Variants in BMPR1B observed in about 807,000 individuals in gnomAD.
The protein encoded by BMPR1B is bone morphogenetic protein receptor type 1B.
BMPR1B carries 12 observed loss-of-function variants against 59.1 expected under a neutral mutation model. The observed-to-expected ratio is 0.20, with a 90% CI of 0.13 to 0.33. BMPR1B has a LOEUF of 0.33. BMPR1B is among the 10% of genes least tolerant of loss of function. The pLI, the probability that BMPR1B is intolerant of heterozygous loss-of-function variation, is 1.00. For missense variants in BMPR1B, 550 were observed against 610.9 expected (o/e 0.90, Z 1.05); for synonymous variants, 237 against 207.3 (o/e 1.14, Z -1.23).
At chr4:94,962,734 G>C (rs1462999685) in intron 2 of BMPR1B, among the ~76,000 whole-genome samples, 1 of 152,142 alleles carries the variant, frequency 6.6e-6, no homozygotes, top group Non-Finnish European at 1.5e-5. Context: ...ATTGTTGATG[G>C]ACACTTAGGT....
At chr4:95,038,034 G>A (rs1310932539) in intron 3 of BMPR1B, among the ~76,000 whole-genome samples, 22 of 152,126 alleles carry the variant, frequency 1.4e-4, no homozygotes, top group Admixed American at 1.4e-3. Flanking sequence ...GTGTAAGGAG[G>A]ATTGAGAGTT....
chr4:95,011,118 A>T (rs1723195608), intron 3 of BMPR1B, among the ~76,000 whole-genome samples: 1 of 151,150 alleles, frequency 6.6e-6, no homozygotes, highest in African/African-American at 2.4e-5. Flanking sequence ...TCGGGAGTAC[A>T]TGTGAAGGCT....
Position 95,129,957 on chromosome 4 carries a change from G to C in BMPR1B, c.681G>C (p.Lys227Asn). ...EVWMGKWRGEKVAVKVFFTTE... is the reference protein window; with the variant it reads ...EVWMGKWRGENVAVKVFFTTE... ...GGATGGGAAAGTGGCGTGGCGAAAA[G>C]GTAGCTGTGAAAGTGTTCTTCACCA... Residue 227 changes from lysine (K) to asparagine (N), a missense_variant, in exon 9 of 13, where the codon AAG becomes AAC. This residue lies in a region of BMPR1B where 318 missense variants were observed against 284.6 expected (regional missense o/e 1.12). Coordinates refer to ENST00000515059, the MANE Select transcript of BMPR1B (RefSeq NM_001203.3). 4 of 1,614,016 alleles carry C rather than the reference G, an allele frequency of 2.5e-6. No homozygotes were observed. Among genetic ancestry groups the C allele is most frequent in the Non-Finnish European group, 3.4e-6 (4 of 1,179,938 alleles).
intron 2 of BMPR1B, among the ~76,000 whole-genome samples, chr4:94,920,333 T>C (rs1297475900): frequency 6.6e-6 from 1 of 152,226 alleles, no homozygotes; most frequent in Non-Finnish European, 1.5e-5. Context: ...ATTCTTTTTA[T>C]TGAAATGCTT....
chr4:95,120,495 C>G (rs1271793101), intron 6 of BMPR1B, among the ~76,000 whole-genome samples: 2 of 152,012 alleles, frequency 1.3e-5, no homozygotes, highest in Non-Finnish European at 2.9e-5. Flanking sequence ...ATGGTATGAT[C>G]GTATACTTAG....
At chr4:94,990,182 C>T (rs1252369971) in intron 2 of BMPR1B, among the ~76,000 whole-genome samples, 2 of 152,052 alleles carry the variant, frequency 1.3e-5, no homozygotes, top group African/African-American at 4.8e-5. Context: ...ATGGTGAAAC[C>T]TCATCTCTAC....
chr4:94,933,123 C>G (rs899465769), intron 2 of BMPR1B, among the ~76,000 whole-genome samples: 1 of 151,712 alleles, frequency 6.6e-6, no homozygotes, highest in Non-Finnish European at 1.5e-5. Flanking sequence ...ATATAATATT[C>G]GTATGTATTA....
chr4:95,068,115 CAG>C (rs930860894), intron 3 of BMPR1B, among the ~76,000 whole-genome samples: 30 of 152,248 alleles, frequency 2.0e-4, no homozygotes, highest in African/African-American at 5.1e-4. Flanking sequence ...AGATTTTAAA[CAG>C]GGGAATGATG....
chr4:95,034,856 G>A (rs1725122052), intron 3 of BMPR1B, among the ~76,000 whole-genome samples: 1 of 151,966 alleles, frequency 6.6e-6, no homozygotes, highest in Admixed American at 6.6e-5. Flanking sequence ...AATTTCCATA[G>A]TGTCTTCTAT....
intron 1 of BMPR1B, among the ~76,000 whole-genome samples, chr4:94,861,716 C>A (rs1232266133): frequency 1.3e-5 from 2 of 152,072 alleles, no homozygotes; most frequent in African/African-American, 4.8e-5. Context: ...AAAGAGATTA[C>A]CCAATAAACA....
chr4:94,929,627 C>T (rs1282759114), intron 2 of BMPR1B, among the ~76,000 whole-genome samples: 1 of 152,048 alleles, frequency 6.6e-6, no homozygotes, highest in African/African-American at 2.4e-5. Flanking sequence ...CTTCTTGGTG[C>T]TCTCAGATCA....
At chr4:94,861,650 T>A (rs1362927688) in intron 1 of BMPR1B, among the ~76,000 whole-genome samples, 1 of 152,166 alleles carries the variant, frequency 6.6e-6, no homozygotes, top group Non-Finnish European at 1.5e-5. Context: ...GATTGCAAAC[T>A]TCTTGAGGTT....
At chr4:94,946,417 A>C (rs1357565543) in intron 2 of BMPR1B, among the ~76,000 whole-genome samples, 1 of 152,164 alleles carries the variant, frequency 6.6e-6, no homozygotes, top group Non-Finnish European at 1.5e-5. Flanking sequence ...TTTATATATC[A>C]CTTAACTAGA....
In BMPR1B at chr4:95,123,928, G is replaced by A. The variant is rs140561276; in HGVS notation, c.446+22G>A. ...TCCGGTAAGTTTCTAACATGTAGAT[G>A]CAAAATTTTTAATTTATAGTGTCTT... On this transcript the variant is annotated intron_variant, in intron 7 of 12. Transcript: ENST00000515059. 1,209 of 1,541,314 alleles carry A rather than the reference G, an allele frequency of 7.8e-4. 8 individuals carry two copies. In the African/African-American group the frequency reaches 0.014, roughly 18 times the overall value.
chr4:94,758,809 C>T (rs1187140833), intron 1 of BMPR1B, among the ~76,000 whole-genome samples: 1 of 152,120 alleles, frequency 6.6e-6, no homozygotes, highest in Non-Finnish European at 1.5e-5. Context: ...CCCCCGGTCT[C>T]TCTTTCCTTC....
rs144837262 is a variant in BMPR1B, at chr4:94,982,148, G to A, written c.-112-13892G>A. 9.0e-3 allele frequency among the ~76,000 whole-genome samples: 1,372 copies of A among 152,272 alleles called. 12 individuals are homozygous for A. Among genetic ancestry groups the A allele is most frequent in the Non-Finnish European group, 0.015 (1,037 of 68,028 alleles). ...CATAAAAAACAATGAATCTGAGATG[G>A]ATTTAATTGTGTTGGGTATTTCCAG... is the stretch of plus-strand genomic sequence containing the variant. On this transcript the variant is annotated intron_variant, in intron 2 of 12. Coordinates refer to ENST00000515059, the MANE Select transcript of BMPR1B (RefSeq NM_001203.3).
chr4:94,903,123 G>T (rs1442267879), intron 2 of BMPR1B, among the ~76,000 whole-genome samples: 1 of 152,004 alleles, frequency 6.6e-6, no homozygotes, highest in Non-Finnish European at 1.5e-5. Context: ...GCAAAATAAA[G>T]TTATGGCATA....
intron 1 of BMPR1B, among the ~76,000 whole-genome samples, chr4:94,859,987 A>G (rs1014971482): frequency 1.3e-5 from 2 of 152,088 alleles, no homozygotes; most frequent in South Asian, 2.1e-4. Context: ...TTCATCAGTG[A>G]CTTATTAAAA....
chr4:95,115,424 C>T (rs1731948490), intron 5 of BMPR1B, among the ~76,000 whole-genome samples: 1 of 152,146 alleles, frequency 6.6e-6, no homozygotes, highest in South Asian at 2.1e-4. Context: ...TTAATCCAAG[C>T]CTTCTTCCTC....
Sources: allele counts gnomAD v4.1 joint callset (sites outside exome capture counted in the v4.1 genomes callset), GRCh38; gene constraint gnomAD v4.1.1; regional missense constraint gnomAD v4.1.1; transcripts MANE v1.5; gene names NCBI Gene and HGNC (gene_info 2026-07-23, HGNC 2026-07-21).